ASPG: variants seen among roughly 807,000 people sequenced by gnomAD.
ASPG encodes the protein asparaginase.
A neutral mutation model predicts 63.2 loss-of-function variants in ASPG; 53 were observed. The ratio of observed to expected loss-of-function variants is 0.84; its 90% confidence interval spans 0.67 to 1.05. The LOEUF is 1.05. Ranked by LOEUF, ASPG falls within the 50% of genes least tolerant of loss-of-function variation. The pLI, the probability that ASPG is intolerant of heterozygous loss-of-function variation, is 0.00. For missense variants in ASPG, 741 were observed against 794.4 expected, an observed-to-expected ratio of 0.93 and a Z score of 0.81; for synonymous variants, 370 against 355.0, an observed-to-expected ratio of 1.04 and a Z score of -0.48.
intron 4 of ASPG, among the ~76,000 whole-genome samples, chr14:104,095,889 T>C (rs1566828221): frequency 6.6e-6 from 1 of 152,228 alleles, no homozygotes; most frequent in East Asian, 1.9e-4. Flanking sequence ...CCCTGGGAGC[T>C]GTGAGGCCCT....
chr14:104,095,732 C>A, intron 4 of ASPG, 76 bp downstream of exon 4: 2 of 1,577,052 alleles, frequency 1.3e-6, no homozygotes, highest in Admixed American at 1.7e-5. Flanking sequence ...TGTGGGCGGC[C>A]GCTGCGGGAC....
intron 6 of ASPG, among the ~76,000 whole-genome samples, chr14:104,101,455 C>T (rs546958112): frequency 9.2e-5 from 14 of 152,110 alleles, no homozygotes; most frequent in East Asian, 3.9e-4. Flanking sequence ...TGTCCACAGT[C>T]GGCTCGGCGC....
rs2036560369 is a variant in ASPG, at chr14:104,095,552, G to A, written c.325G>A (p.Gly109Ser). 8.1e-6 allele frequency: 13 copies of A among 1,613,102 alleles called. No individual in the cohort carries two copies. Among genetic ancestry groups the A allele is most frequent in the Middle Eastern group, 1.7e-4 (1 of 6,060 alleles). The change falls in exon 4 of 16, where the codon GGC becomes AGC. Residue 109 changes from glycine to serine, a missense_variant. Physicochemically the swap from Gly to Ser is moderately conservative, Grantham distance 56. Coordinates refer to ENST00000551177, the MANE Select transcript of ASPG (RefSeq NM_001080464.3). ...TIKRHYEQYH[G>S]FVVIHGTDTM... ...GCAGAGGCACTACGAGCAGTACCAC[G>A]GCTTTGTGGTCATCCACGGCACCGA...
intron 13 of ASPG, chr14:104,111,267 G>A (rs2037372442): frequency 2.2e-6 from 2 of 889,000 alleles, no homozygotes; most frequent in Non-Finnish European, 2.7e-6. Flanking sequence ...GTGTGTTCAT[G>A]TATGTTTGCG....
At chr14:104,108,312 T>G in intron 12 of ASPG, 1 of 751,724 alleles carries the variant, frequency 1.3e-6, no homozygotes, top group Non-Finnish European at 1.6e-6. Context: ...GACTGGAGCT[T>G]CTAGACTGGG....
chr14:104,111,881 G>C, intron 14 of ASPG, 39 bp from the exon 15 acceptor site: 1 of 1,536,650 alleles, frequency 6.5e-7, no homozygotes. Context: ...CTGCTAGTCA[G>C]TGGCCCCAAG....
intron 12 of ASPG, among the ~76,000 whole-genome samples, chr14:104,107,823 G>A (rs1032639612): frequency 1.3e-5 from 2 of 152,212 alleles, no homozygotes; most frequent in African/African-American, 4.8e-5. Flanking sequence ...CCTGCGTGGG[G>A]GGCGGGGCCA....
rs2037444278 is a variant in ASPG at position 104,115,096 on chromosome 14, A to G, written c.*2552A>G. 6.6e-6 allele frequency: 1 copy of G among 152,118 alleles called. No individual in the cohort carries two copies. The highest frequency in any genetic ancestry group is 2.1e-4 in the South Asian group (1 of 4,816). The allele number at this position is 152,118 out of a possible 1,614,324, so 9.4% of individuals were successfully genotyped here. ...TGGATCCCAGGGCTATCTCTGGGGA[A>G]CATCTCCTCTCCATCACGACTACTG... On this transcript the variant is annotated 3_prime_UTR_variant, in exon 16 of 16. Transcript: ENST00000551177.
rs890213175 is a variant in ASPG, at chr14:104,110,024, C to T, written c.1520+709C>T. On this transcript the variant is annotated intron_variant, in intron 13 of 15. Coordinates refer to ENST00000551177, the MANE Select transcript of ASPG (RefSeq NM_001080464.3). The surrounding 1 kb of genome is among the most constrained non-coding windows in gnomAD (Gnocchi z 4.7). ...CTCCTCTGTCCGCCACAGCCAGAAT[C>T]GCTGCCCCCCACCCCATGCCTTGTG... is the stretch of plus-strand genomic sequence containing the variant. 14 of 985,314 alleles carry T rather than the reference C, an allele frequency of 1.4e-5. No individual in the cohort carries two copies. The highest frequency in any genetic ancestry group is 6.1e-5 in the Admixed American group (1 of 16,278). The allele number at this position is 985,314 out of a possible 1,614,324, so 61.0% of individuals were successfully genotyped here.
chr14:104,093,654 AGGT>A (rs2036456693), intron 3 of ASPG, 52 bp downstream of exon 3: 1 of 359,812 alleles, frequency 2.8e-6, no homozygotes, highest in Admixed American at 9.0e-5. Context: ...GGTGGGGCTG[AGGT>A]GTGTGGGTGG....
intron 13 of ASPG, chr14:104,111,213 G>C: frequency 7.2e-6 from 7 of 977,378 alleles, no homozygotes; most frequent in Non-Finnish European, 7.3e-6. Context: ...GTGTGCTCCT[G>C]TGTGTGTACA....
chr14:104,105,269 T>A, intron 9 of ASPG, 59 bp from the exon 10 acceptor site: 1 of 1,612,050 alleles, frequency 6.2e-7, no homozygotes, highest in Non-Finnish European at 8.5e-7. Context: ...CCCTCCAGGC[T>A]GTCCTGGGCT....
chr14:104,107,212 G>C lies in ASPG; in HGVS notation c.1300G>C (p.Gly434Arg), dbSNP rs570105667. Residue 434 changes from glycine to arginine, a missense_variant, in exon 12 of 16, where the codon GGC (glycine) becomes CGC (arginine). Gly to Arg is a moderately radical substitution (Grantham distance 125). Transcript: ENST00000551177. ...GSDLGLVDFN[G>R]QTPLHAAARG... Reference sequence around the variant, plus strand: ...TGACCTGGGCCTGGTGGACTTTAACGGCCAAACCCCACTGCACGCGGCCGC... The same window carrying C: ...TGACCTGGGCCTGGTGGACTTTAACCGCCAAACCCCACTGCACGCGGCCGC... 5 of 1,593,084 alleles carry C rather than the reference G, an allele frequency of 3.1e-6. No individual in the cohort carries two copies. The highest frequency in any genetic ancestry group is 1.7e-6 in the Non-Finnish European group (2 of 1,168,806).
Position 104,112,778 on chromosome 14 carries a change from C to T in ASPG, c.*234C>T. 2.2e-6 allele frequency: 2 copies of T among 905,968 alleles called. 1 individual carries two copies. The highest frequency in any genetic ancestry group is 3.2e-6 in the Non-Finnish European group (2 of 617,648). 56.1% of individuals were successfully genotyped at this position (905,968 alleles called of 1,614,324 possible). A position where few individuals can be genotyped will look rare whatever the true frequency, so the allele number is the denominator to read the frequency against. ...GGGACTGTGGATGTGTGTGGGGAGT[C>T]AGGCCCAGGCTCTGTGGGGTCTCTG... On this transcript the variant is annotated 3_prime_UTR_variant, in exon 16 of 16. Transcript: ENST00000551177.
At position 104,113,019 on chromosome 14, in the gene ASPG, C is replaced by T. The variant is rs1459692539; in HGVS notation, c.*475C>T. The T allele has an allele frequency of 8.4e-5, 19 of 225,562 alleles. No homozygotes were observed. In the East Asian group the frequency reaches 2.2e-3, roughly 27 times the overall value. 14.0% of individuals were successfully genotyped at this position (225,562 alleles called of 1,614,324 possible). A position where few individuals can be genotyped will look rare whatever the true frequency, so the allele number is the denominator to read the frequency against. Reference sequence around the variant, plus strand: ...TTCTGGAGCTTGAAGTCCCCTCCCCCAGGCAGCCCTCCAACCCCTGGATGA... The same window carrying T: ...TTCTGGAGCTTGAAGTCCCCTCCCCTAGGCAGCCCTCCAACCCCTGGATGA... On this transcript the variant is annotated 3_prime_UTR_variant, in exon 16 of 16. Transcript: ENST00000551177.
chr14:104,099,539 G>A (rs1245654464), intron 6 of ASPG, among the ~76,000 whole-genome samples: 8 of 152,162 alleles, frequency 5.3e-5, no homozygotes, highest in South Asian at 2.1e-4. Context: ...TGAGACGCAG[G>A]GCCACTCCAG....
chr14:104,094,009 G>A (rs994222826), intron 3 of ASPG, among the ~76,000 whole-genome samples: 1 of 151,882 alleles, frequency 6.6e-6, no homozygotes, highest in Non-Finnish European at 1.5e-5. Context: ...TCTGGGACGG[G>A]TGAGGAGCTG....
rs763586318 is a variant in ASPG at position 104,093,502 on chromosome 14, G to T, written c.203G>T (p.Arg68Leu). The T allele has an allele frequency of 1.9e-6, 3 of 1,612,574 alleles. No individual in the cohort carries two copies. In the Admixed American group the frequency reaches 5.0e-5, roughly 27 times the overall value. ...TTTCTGTCCCGCAGCCCGGCCAGCC[G>T]CAACCAGAGGATTCTCTACACCGTG... ...EDTLVLPPAS[R>L]NQRILYTVLE... Residue 68 changes from arginine to leucine, a missense_variant, in exon 3 of 16, where the codon CGC becomes CTC. Arg to Leu is a moderately radical substitution (Grantham distance 102). Transcript: ENST00000551177.
Position 104,114,888 on chromosome 14 carries a change from G to A in ASPG, c.*2344G>A, listed in dbSNP as rs954581856. 4.6e-5 allele frequency: 7 copies of A among 152,278 alleles called. No homozygotes were observed. The highest frequency in any genetic ancestry group is 1.4e-4 in the African/African-American group (6 of 41,462). The allele number at this position is 152,278 out of a possible 1,614,324, so 9.4% of individuals were successfully genotyped here. On this transcript the variant is annotated 3_prime_UTR_variant, in exon 16 of 16. Transcript: ENST00000551177. Reference sequence around the variant, plus strand: ...CTGCGTTGGCACAGGGCAGAGCTGGGCTGTGAATCAGGGCCGCCTTGTCTC... The same window carrying A: ...CTGCGTTGGCACAGGGCAGAGCTGGACTGTGAATCAGGGCCGCCTTGTCTC...
Sources: allele counts gnomAD v4.1 joint callset (sites outside exome capture counted in the v4.1 genomes callset), GRCh38; gene constraint gnomAD v4.1.1; non-coding constraint Gnocchi (gnomAD v3.1); transcripts MANE v1.5; gene names NCBI Gene and HGNC (gene_info 2026-07-23, HGNC 2026-07-21).